Variants in MAP4K1 observed in about 807,000 individuals in gnomAD.
MAP4K1 encodes the protein MAPK/ERK kinase kinase kinase 1.
MAP4K1 carries 35 observed loss-of-function variants against 122.8 expected under a neutral mutation model. That is an observed-to-expected ratio of 0.29 (90% CI 0.22 to 0.38). The LOEUF is 0.38. Among genes scored for constraint, MAP4K1 ranks in the 10% least tolerant of loss-of-function variants. The pLI, the probability that MAP4K1 is intolerant of heterozygous loss-of-function variation, is 1.00. For missense variants in MAP4K1, 791 were observed against 1,072.6 expected, an observed-to-expected ratio of 0.74 and a Z score of 3.67; for synonymous variants, 412 against 421.3, an observed-to-expected ratio of 0.98 and a Z score of 0.27.
intron 4 of MAP4K1, among the ~76,000 whole-genome samples, 188 bp downstream of exon 4, chr19:38,616,007 C>T (rs1420830573): frequency 6.6e-6 from 1 of 150,650 alleles, no homozygotes; most frequent in South Asian, 2.1e-4. Context: ...CACAGTGGCT[C>T]AAGCCCGTAG....
intron 19 of MAP4K1, among the ~76,000 whole-genome samples, chr19:38,603,506 C>T (rs1474654913): frequency 2.0e-5 from 3 of 151,652 alleles, no homozygotes; most frequent in Non-Finnish European, 4.4e-5. Context: ...TGCATTTCAT[C>T]TTTGAATCAT....
chr19:38,602,763 C>G (rs1054253369), intron 19 of MAP4K1, among the ~76,000 whole-genome samples: 3 of 146,700 alleles, frequency 2.0e-5, no homozygotes, highest in Non-Finnish European at 4.5e-5. Context: ...CATATATACG[C>G]ATATACATAT....
At chr19:38,590,363 T>C (rs1599684467) in intron 30 of MAP4K1, among the ~76,000 whole-genome samples, 1 of 89,900 alleles carries the variant, frequency 1.1e-5, no homozygotes, top group African/African-American at 4.6e-5. Flanking sequence ...CCACCTATGA[T>C]CTTGGACCAG....
chr19:38,609,702 C>A, intron 12 of MAP4K1, 28 bp from the exon 13 acceptor site: 1 of 1,592,974 alleles, frequency 6.3e-7, no homozygotes, highest in Non-Finnish European at 8.6e-7. Flanking sequence ...CACGTCAGGG[C>A]TCAAGACCCC....
At chr19:38,598,179 C>G (rs1000063226) in intron 22 of MAP4K1, among the ~76,000 whole-genome samples, 1 of 151,122 alleles carries the variant, frequency 6.6e-6, no homozygotes, top group African/African-American at 2.4e-5. Context: ...TAGAGGTATG[C>G]GCCACCATGC....
At chr19:38,588,632 G>T (rs567426207) in intron 30 of MAP4K1, among the ~76,000 whole-genome samples, 1 of 151,674 alleles carries the variant, frequency 6.6e-6, no homozygotes, top group Non-Finnish European at 1.5e-5. Context: ...AGGCACTATA[G>T]TCCCAGCTAC....
chr19:38,596,357 C>T lies in MAP4K1; in HGVS notation c.2071G>A (p.Val691Met). The T allele has an allele frequency of 6.2e-7, 1 of 1,602,406 alleles. No homozygotes were observed. Among genetic ancestry groups the T allele is most frequent in the Non-Finnish European group, 8.5e-7 (1 of 1,176,254 alleles). The change falls in exon 26 of 31, where the codon GTG (valine) becomes ATG (methionine). Residue 691 changes from valine to methionine, a missense_variant. Physicochemically the swap from Val to Met is conservative, Grantham distance 21. Coordinates refer to ENST00000396857, the MANE Select transcript of MAP4K1 (RefSeq NM_001042600.3). ...CAGCAAGAGAGCGCGCCAAAGCGCA[C>T]CGTGTGGAAGAGCACCGACTTCCCC... is the stretch of plus-strand genomic sequence containing the variant. ...RPGKSVLFHT[V>M]RFGALSCWLG...
At position 38,600,086 on chromosome 19, in the gene MAP4K1, C is replaced by G. The variant is rs772511208; in HGVS notation, c.1599G>C (p.Thr533=). The change falls in exon 21 of 31, where the codon ACG becomes ACC. Residue 533 remains threonine (T), a synonymous_variant. Coordinates refer to ENST00000396857, the MANE Select transcript of MAP4K1 (RefSeq NM_001042600.3). ...FILNRNDQEA[T]LEMLFPSRTT... ...CGGTATGGTTCCTCACCATTTCCAGCGTGGCCTCCTGGTCATTCCGGTTCA... is the reference window on the plus strand; with the variant it reads ...CGGTATGGTTCCTCACCATTTCCAGGGTGGCCTCCTGGTCATTCCGGTTCA... The G allele has an allele frequency of 2.5e-6, 4 of 1,614,160 alleles. No individual in the cohort carries two copies. Among genetic ancestry groups the G allele is most frequent in the Non-Finnish European group, 3.4e-6 (4 of 1,180,032 alleles).
At chr19:38,603,229 TAC>T (rs1437917857) in intron 19 of MAP4K1, among the ~76,000 whole-genome samples, 1 of 147,380 alleles carries the variant, frequency 6.8e-6, no homozygotes, top group Admixed American at 7.0e-5. Context: ...CATATACATA[TAC>T]ACATATATAT....
chr19:38,593,405 C>T (rs1418302194), intron 29 of MAP4K1, 68 bp from the exon 30 acceptor site: 22 of 1,432,080 alleles, frequency 1.5e-5, no homozygotes, highest in Non-Finnish European at 2.0e-5. Context: ...ACATGGCTCC[C>T]TTAAAGACAG....
rs202155361 is a variant in MAP4K1 at position 38,600,087 on chromosome 19, G to A, written c.1598C>T (p.Thr533Met). 1.3e-5 allele frequency: 21 copies of A among 1,614,100 alleles called. No homozygotes were observed. Among genetic ancestry groups the A allele is most frequent in the Admixed American group, 1.2e-4 (7 of 59,990 alleles). The change falls in exon 21 of 31, where the codon ACG becomes ATG. Residue 533 changes from threonine to methionine, a missense_variant. This residue lies in a region of MAP4K1 where 58 missense variants were observed against 118.7 expected (regional missense o/e 0.49). Transcript: ENST00000396857. ...GGTATGGTTCCTCACCATTTCCAGC[G>A]TGGCCTCCTGGTCATTCCGGTTCAG... Reference protein sequence around the residue: ...FILNRNDQEATLEMLFPSRTT... With the variant: ...FILNRNDQEAMLEMLFPSRTT...
intron 12 of MAP4K1, 42 bp downstream of exon 12, chr19:38,609,867 G>T: frequency 6.4e-7 from 1 of 1,552,734 alleles, no homozygotes; most frequent in South Asian, 1.1e-5. Context: ...GCCTGAGAAA[G>T]ACCGAGAGGT....
chr19:38,603,001 C>T (rs775751262), intron 19 of MAP4K1, among the ~76,000 whole-genome samples: 1 of 145,562 alleles, frequency 6.9e-6, no homozygotes, highest in Non-Finnish European at 1.5e-5. Context: ...TATACATATA[C>T]ATATATACAC....
intron 5 of MAP4K1, 30 bp downstream of exon 5, chr19:38,614,360 C>T: frequency 6.2e-7 from 1 of 1,614,162 alleles, no homozygotes; most frequent in Non-Finnish European, 8.5e-7. Flanking sequence ...CCTCCCCTCC[C>T]ATCCCCAGAA....
In MAP4K1 at chr19:38,593,200, C is replaced by A. The variant is rs1210473152; in HGVS notation, c.2396+82G>T. The A allele has an allele frequency of 2.9e-6, 4 of 1,358,650 alleles. No homozygotes were observed. The East Asian group carries it at 9.9e-5, about 34-fold the overall frequency. The allele number at this position is 1,358,650 out of a possible 1,614,324, so 84.2% of individuals were successfully genotyped here. A position where few individuals can be genotyped will look rare whatever the true frequency, so the allele number is the denominator to read the frequency against. ...TGAGACACTGTCCAGGCTAGAGATA[C>A]CTTGCTGGGGACACCTCAGAATGCT... On this transcript the variant is annotated intron_variant, in intron 30 of 30. Transcript: ENST00000396857.
At chr19:38,614,718 C>G (rs1454430401) in intron 4 of MAP4K1, 2 of 482,396 alleles carry the variant, frequency 4.1e-6, no homozygotes, top group Admixed American at 3.4e-5. Context: ...GTCAGGAGTC[C>G]GAGACCAGCC....
chr19:38,601,385 C>G (rs1975058597), intron 20 of MAP4K1, 56 bp downstream of exon 20: 1 of 1,487,022 alleles, frequency 6.7e-7, no homozygotes, highest in African/African-American at 1.4e-5. Context: ...TCTCCCCACC[C>G]CTACTTTTGC....
rs537166514 is a variant in MAP4K1, at chr19:38,614,408, G to T, written c.351C>A (p.Val117=). ...GSLSELQISY[V]CREVLQGLAY... Reference sequence around the variant, plus strand: ...TCCTTACCTGGAGCACTTCCCGGCAGACATAGCTAATCTGGAGCTCTGACA... The same window carrying T: ...TCCTTACCTGGAGCACTTCCCGGCATACATAGCTAATCTGGAGCTCTGACA... The change falls in exon 5 of 31, where the codon GTC becomes GTA. Residue 117 remains valine, a synonymous_variant. Transcript: ENST00000396857. 3 of 1,614,192 alleles carry T rather than the reference G, an allele frequency of 1.9e-6. No individual in the cohort carries two copies. The South Asian group carries it at 3.3e-5, about 18-fold the overall frequency.
intron 30 of MAP4K1, among the ~76,000 whole-genome samples, chr19:38,592,696 T>A (rs1974762768): frequency 6.6e-6 from 1 of 152,030 alleles, no homozygotes; most frequent in African/African-American, 2.4e-5. Flanking sequence ...GGCAGGTGGA[T>A]CACCGAGGTC....
Sources: gnomAD v4.1 joint callset for allele counts (sites outside exome capture counted in the v4.1 genomes callset) on GRCh38, gnomAD v4.1.1 for gene constraint, gnomAD v4.1.1 regional missense constraint, MANE v1.5 for transcripts, NCBI Gene and HGNC (gene_info 2026-07-23, HGNC 2026-07-21) for gene names.